CAPNS1: variants seen among roughly 807,000 people sequenced by gnomAD.
CAPNS1 encodes the protein CANP small subunit.
A neutral mutation model predicts 39.2 loss-of-function variants in CAPNS1; 32 were observed. That is an observed-to-expected ratio of 0.82 (90% CI 0.62 to 1.10). The LOEUF (loss-of-function observed/expected upper bound fraction) is 1.10, where lower values mean the gene tolerates loss of function less well. CAPNS1 is among the 50% of genes least tolerant of loss of function. The pLI is 0.00. For synonymous variants in CAPNS1, 153 were observed against 136.2 expected (o/e 1.12, Z -0.86); for missense variants, 353 against 373.1 (o/e 0.95, Z 0.44).
At position 36,146,181 on chromosome 19, in the gene CAPNS1, C is replaced by G; in HGVS notation, c.605-15C>G. The G allele has an allele frequency of 6.3e-7, 1 of 1,598,182 alleles. No homozygotes were observed. Among genetic ancestry groups the G allele is most frequent in the East Asian group, 2.2e-5 (1 of 44,812 alleles). On this transcript the variant is annotated splice_polypyrimidine_tract_variant and intron_variant, in intron 8 of 10. Coordinates refer to ENST00000246533, the MANE Select transcript of CAPNS1 (RefSeq NM_001749.4). ...CCATGTGGCCCCCGCACCTGAAGGA[C>G]TACATCCATCTTAGGGTTCCACCTG...
chr19:36,142,352 C>T lies in CAPNS1; in HGVS notation c.243+19C>T, dbSNP rs1377071220. 1 of 1,438,414 alleles carries T rather than the reference C, an allele frequency of 7.0e-7. No individual in the cohort carries two copies. The highest frequency in any genetic ancestry group is 9.6e-7 in the Non-Finnish European group (1 of 1,045,066). 89.1% of individuals were successfully genotyped at this position (1,438,414 alleles called of 1,614,324 possible). A position where few individuals can be genotyped will look rare whatever the true frequency, so the allele number is the denominator to read the frequency against. Reference sequence around the variant, plus strand: ...GCCCCCGGTAAGCCCCCTCTGCAACCAGACCCCCTTCTCCTGCCAAGGCCT... The same window carrying T: ...GCCCCCGGTAAGCCCCCTCTGCAACTAGACCCCCTTCTCCTGCCAAGGCCT... On this transcript the variant is annotated intron_variant, in intron 3 of 10. Transcript: ENST00000246533.
chr19:36,141,189 C>T lies in CAPNS1; in HGVS notation c.178C>T (p.Arg60Cys). 2 of 1,453,606 alleles carry T rather than the reference C, an allele frequency of 1.4e-6. No homozygotes were observed. Among genetic ancestry groups the T allele is most frequent in the South Asian group, 1.4e-5 (1 of 69,374 alleles). The allele number at this position is 1,453,606 out of a possible 1,614,324, so 90.0% of individuals were successfully genotyped here. A position where few individuals can be genotyped will look rare whatever the true frequency, so the allele number is the denominator to read the frequency against. ...CGGCGGTGGCGGTGGAACGGCCATGCGCATCCTAGGCGGAGTCATCAGCGC... is the reference window on the plus strand; with the variant it reads ...CGGCGGTGGCGGTGGAACGGCCATGTGCATCCTAGGCGGAGTCATCAGCGC... ...GGGGGGGTAMRILGGVISAIS... is the reference protein window; with the variant it reads ...GGGGGGGTAMCILGGVISAIS... The change falls in exon 2 of 11, where the codon CGC becomes TGC. Residue 60 changes from arginine to cysteine, a missense_variant. Transcript: ENST00000246533.
intron 9 of CAPNS1, among the ~76,000 whole-genome samples, chr19:36,148,517 A>AG (rs1471134544): frequency 6.7e-6 from 1 of 150,110 alleles, no homozygotes; most frequent in Non-Finnish European, 1.5e-5. Context: ...CGTCTAAAAA[A>AG]AAAAAAAAAA....
In CAPNS1 at chr19:36,141,230, A is replaced by C. The variant is rs573869590; in HGVS notation, c.209+10A>C. 4.8e-5 allele frequency: 73 copies of C among 1,515,580 alleles called. 1 individual carries two copies. Among genetic ancestry groups the C allele is most frequent in the Non-Finnish European group, 6.0e-5 (68 of 1,138,402 alleles). The allele number at this position is 1,515,580 out of a possible 1,614,324, so 93.9% of individuals were successfully genotyped here. On this transcript the variant is annotated intron_variant, in intron 2 of 10. Transcript: ENST00000246533. ...TCATCAGCGCCATCAGGTAAGGCGG[A>C]GACTATCAGAGGGGCGGGGCCTGGG... is the stretch of plus-strand genomic sequence containing the variant.
At chr19:36,148,967 G>C (rs986551045) in intron 9 of CAPNS1, among the ~76,000 whole-genome samples, 2 of 152,184 alleles carry the variant, frequency 1.3e-5, no homozygotes, top group Non-Finnish European at 2.9e-5. Flanking sequence ...CAGGCGTGGG[G>C]ACCTACCTGT....
rs747745754 is a variant in CAPNS1, at chr19:36,142,374, G to A, written c.243+41G>A. On this transcript the variant is annotated intron_variant, in intron 3 of 10. Coordinates refer to ENST00000246533, the MANE Select transcript of CAPNS1 (RefSeq NM_001749.4). Reference sequence around the variant, plus strand: ...AACCAGACCCCCTTCTCCTGCCAAGGCCTCTTCGAGGTCCCATCCCTGTTC... The same window carrying A: ...AACCAGACCCCCTTCTCCTGCCAAGACCTCTTCGAGGTCCCATCCCTGTTC... 6.0e-6 allele frequency: 7 copies of A among 1,159,610 alleles called. No individual in the cohort carries two copies. In the South Asian group the frequency reaches 7.1e-5, roughly 12 times the overall value. 71.8% of individuals were successfully genotyped at this position (1,159,610 alleles called of 1,614,324 possible). A position where few individuals can be genotyped will look rare whatever the true frequency, so the allele number is the denominator to read the frequency against.
At chr19:36,142,248 C>A in intron 2 of CAPNS1, 52 bp from the exon 3 acceptor site, 1 of 1,245,130 alleles carries the variant, frequency 8.0e-7, no homozygotes, top group Non-Finnish European at 1.2e-6. Context: ...GTAGTGCTGC[C>A]CGTTGGAGGC....
chr19:36,141,238 A>T lies in CAPNS1; in HGVS notation c.209+18A>T, dbSNP rs758659954. The T allele has an allele frequency of 2.0e-6, 3 of 1,515,004 alleles. No individual in the cohort carries two copies. The South Asian group carries it at 3.8e-5, about 19-fold the overall frequency. 93.8% of individuals were successfully genotyped at this position (1,515,004 alleles called of 1,614,324 possible). A position where few individuals can be genotyped will look rare whatever the true frequency, so the allele number is the denominator to read the frequency against. ...GCCATCAGGTAAGGCGGAGACTATC[A>T]GAGGGGCGGGGCCTGGGAATGGGAG... On this transcript the variant is annotated intron_variant, in intron 2 of 10. Transcript: ENST00000246533.
In CAPNS1 at chr19:36,142,327, GC is replaced by G; in HGVS notation, c.242del (p.Pro81ArgfsTer41). 6 of 1,553,016 alleles carry G rather than the reference GC, an allele frequency of 3.9e-6. No individual in the cohort carries two copies. The highest frequency in any genetic ancestry group is 3.5e-6 in the Non-Finnish European group (4 of 1,141,220). ...AGGCGGCTGCGCAGTACAACCCGGAGCCCCCGGTAAGCCCCCTCTGCAACCA... is the reference window on the plus strand; with the variant it reads ...AGGCGGCTGCGCAGTACAACCCGGAGCCCCGGTAAGCCCCCTCTGCAACCA... ...SEAAAQYNPEPPPPRTHYSNI... is the reference protein window; with the variant it reads ...SEAAAQYNPEXPPPRTHYSNI... On this transcript the variant is annotated frameshift_variant, in exon 3 of 11. Transcript: ENST00000246533. LOFTEE classifies it high-confidence loss of function.
At chr19:36,144,477 A>G (rs1263715720) in intron 6 of CAPNS1, among the ~76,000 whole-genome samples, 1 of 152,252 alleles carries the variant, frequency 6.6e-6, no homozygotes, top group Non-Finnish European at 1.5e-5. Flanking sequence ...GTGCACAGGG[A>G]CACACGTGTT....
chr19:36,142,607 G>A (rs763020514), intron 3 of CAPNS1, 45 bp from the exon 4 acceptor site: 2 of 1,553,014 alleles, frequency 1.3e-6, no homozygotes, highest in Admixed American at 1.7e-5. Context: ...GAGCCGTCCT[G>A]GCCGGGTTCC....
intron 2 of CAPNS1, among the ~76,000 whole-genome samples, chr19:36,141,905 G>A (rs1203097791): frequency 6.6e-6 from 1 of 152,152 alleles, no homozygotes; most frequent in East Asian, 1.9e-4. Context: ...GGCACCTGAG[G>A]AGGATAAGGC....
chr19:36,142,781 C>T (rs760886049), intron 4 of CAPNS1, 40 bp downstream of exon 4: 2 of 1,593,364 alleles, frequency 1.3e-6, no homozygotes. Context: ...CTAACCGTTC[C>T]ATCCCTTCCC....
intron 9 of CAPNS1, among the ~76,000 whole-genome samples, chr19:36,146,615 G>T (rs1974576888): frequency 6.6e-6 from 1 of 152,172 alleles, no homozygotes. Context: ...AGCAGAGCGT[G>T]CTCAGATTGT....
intron 2 of CAPNS1, chr19:36,141,461 C>A: frequency 7.7e-7 from 1 of 1,291,176 alleles, no homozygotes; most frequent in East Asian, 3.3e-5. Context: ...TTGTGTGGGA[C>A]CAGGACAATG....
chr19:36,143,234 G>A (rs1974445039), intron 6 of CAPNS1, 106 bp downstream of exon 6: 2 of 963,332 alleles, frequency 2.1e-6, no homozygotes, highest in Admixed American at 3.4e-5. Flanking sequence ...ATGTGGAAAT[G>A]CATTCATCAG....
Position 36,145,994 on chromosome 19 carries a change from G to C in CAPNS1, c.544G>C (p.Asp182His), listed in dbSNP as rs772620435. ...CTCACAGGCCATATACAAACAGTTC[G>C]ACACTGACCGATCAGGGACCATTTG... ...KRWQAIYKQF[D>H]TDRSGTICSS... is the part of the protein sequence containing the mutation. The change falls in exon 8 of 11, where the codon GAC (aspartate) becomes CAC (histidine). Residue 182 changes from aspartate (D) to histidine (H), a missense_variant. Asp to His is a moderately conservative substitution (Grantham distance 81). Coordinates refer to ENST00000246533, the MANE Select transcript of CAPNS1 (RefSeq NM_001749.4). 1 of 1,614,174 alleles carries C rather than the reference G, an allele frequency of 6.2e-7. No individual in the cohort carries two copies.
At chr19:36,142,262 GC>G in intron 2 of CAPNS1, 37 bp from the exon 3 acceptor site, 1 of 1,493,566 alleles carries the variant, frequency 6.7e-7, no homozygotes, top group Non-Finnish European at 9.3e-7. Context: ...TGGAGGCCCC[GC>G]CCCTGGCACT....
Position 36,146,196 on chromosome 19 carries a change from G to T in CAPNS1, c.605G>T (p.Gly202Val), listed in dbSNP as rs1175683035. Reference protein sequence around the residue: ...SELPGAFEAAGFHLNEHLYNM... With the variant: ...SELPGAFEAAVFHLNEHLYNM... ...ACCTGAAGGACTACATCCATCTTAG[G>T]GTTCCACCTGAATGAGCATCTCTAT... Residue 202 changes from glycine (G) to valine (V), a missense_variant and splice_region_variant, in exon 9 of 11, where the codon GGG becomes GTG. By Grantham distance (109) the Gly-to-Val change is moderately radical. Coordinates refer to ENST00000246533, the MANE Select transcript of CAPNS1 (RefSeq NM_001749.4). 1.2e-6 allele frequency: 2 copies of T among 1,609,738 alleles called. No individual in the cohort carries two copies. Among genetic ancestry groups the T allele is most frequent in the Non-Finnish European group, 1.7e-6 (2 of 1,175,966 alleles).
Sources: allele counts gnomAD v4.1 joint callset (sites outside exome capture counted in the v4.1 genomes callset), GRCh38; gene constraint gnomAD v4.1.1; transcripts MANE v1.5; gene names NCBI Gene and HGNC (gene_info 2026-07-23, HGNC 2026-07-21).